The following RSPO2 variants were observed in gnomAD, a reference collection of about 807,000 sequenced individuals.
RSPO2 encodes R-spondin-2.
A neutral mutation model predicts 30.9 loss-of-function variants in RSPO2; 14 were observed. That is an observed-to-expected ratio of 0.45 (90% CI 0.30 to 0.71). The LOEUF (loss-of-function observed/expected upper bound fraction) is 0.71. Among genes scored for constraint, RSPO2 ranks in the 30% least tolerant of loss-of-function variants. RSPO2 has a pLI of 0.08. For synonymous variants in RSPO2, 107 were observed against 96.4 expected (o/e 1.11, Z -0.64); for missense variants, 264 against 301.9 (o/e 0.87, Z 0.93).
chr8:107,982,009 CAAAAAA>C (rs372977834), intron 3 of RSPO2, among the ~76,000 whole-genome samples: 8 of 55,380 alleles, frequency 1.4e-4, no homozygotes, highest in African/African-American at 3.2e-4. Flanking sequence ...ACAACAACAA[CAAAAAA>C]AAAAAAAAAA....
intron 5 of RSPO2, among the ~76,000 whole-genome samples, chr8:107,915,342 GTCTGCCAACACCT>G (rs1255693891): frequency 2.6e-5 from 4 of 152,058 alleles, no homozygotes; most frequent in Non-Finnish European, 4.4e-5. Context: ...GTATCCTAGG[GTCTGCCAACACCT>G]TCTTCCTTCT....
intron 5 of RSPO2, among the ~76,000 whole-genome samples, chr8:107,914,307 G>A (rs1811910817): frequency 6.6e-6 from 1 of 151,998 alleles, no homozygotes; most frequent in Non-Finnish European, 1.5e-5. Flanking sequence ...TATTTACTGT[G>A]CTCAAATACT....
intron 5 of RSPO2, among the ~76,000 whole-genome samples, chr8:107,949,776 C>T (rs1031580535): frequency 2.6e-5 from 4 of 152,128 alleles, no homozygotes; most frequent in African/African-American, 9.7e-5. Context: ...ATACAATGTA[C>T]ATTATTTGGG....
chr8:107,918,837 G>A (rs1434519870), intron 5 of RSPO2, among the ~76,000 whole-genome samples: 2 of 151,972 alleles, frequency 1.3e-5, no homozygotes, highest in Non-Finnish European at 2.9e-5. Context: ...ATAGAAAATG[G>A]GGACTGGAGA....
chr8:108,047,212 AG>A (rs1292081788), intron 2 of RSPO2, among the ~76,000 whole-genome samples: 1 of 152,196 alleles, frequency 6.6e-6, no homozygotes, highest in Non-Finnish European at 1.5e-5. Context: ...CAGGATATGA[AG>A]TATTATTAGT....
intron 2 of RSPO2, among the ~76,000 whole-genome samples, chr8:108,014,844 TAA>T (rs5893898): frequency 1.9e-5 from 2 of 106,442 alleles, no homozygotes; most frequent in East Asian, 3.4e-4. Flanking sequence ...TAAAGTATAA[TAA>T]AAAAAAAAAA....
At chr8:107,941,717 A>G (rs188994385) in intron 5 of RSPO2, among the ~76,000 whole-genome samples, 143 of 152,332 alleles carry the variant, frequency 9.4e-4, no homozygotes, top group Middle Eastern at 6.8e-3. Context: ...TTGGTTTCAC[A>G]GTGAGCAGAC....
intron 5 of RSPO2, among the ~76,000 whole-genome samples, chr8:107,918,041 A>G (rs963619409): frequency 2.6e-5 from 4 of 152,176 alleles, no homozygotes; most frequent in Admixed American, 2.0e-4. Flanking sequence ...TGGGACTCTC[A>G]TGGAAAGCTG....
intron 5 of RSPO2, among the ~76,000 whole-genome samples, chr8:107,947,208 G>T (rs1813091672): frequency 6.6e-6 from 1 of 152,132 alleles, no homozygotes; most frequent in African/African-American, 2.4e-5. Flanking sequence ...GAACTTTGTA[G>T]GAACATTTTC....
intron 2 of RSPO2, among the ~76,000 whole-genome samples, chr8:108,041,558 A>G (rs1298283088): frequency 1.3e-5 from 2 of 152,178 alleles, no homozygotes; most frequent in African/African-American, 4.8e-5. Context: ...TTAAGAAGAC[A>G]GTGGGTTATG....
chr8:107,919,344 G>A (rs149534999), intron 5 of RSPO2, among the ~76,000 whole-genome samples: 12 of 152,206 alleles, frequency 7.9e-5, no homozygotes, highest in African/African-American at 2.9e-4. Flanking sequence ...GTTTATTCCT[G>A]GGCCTAGGCT....
chr8:107,973,281 TGGG>T (rs551349917), intron 3 of RSPO2, among the ~76,000 whole-genome samples: 1 of 146,052 alleles, frequency 6.8e-6, no homozygotes, highest in Admixed American at 6.7e-5. Flanking sequence ...AAAAAAAAAA[TGGG>T]GGGGGAACTA....
intron 2 of RSPO2, among the ~76,000 whole-genome samples, chr8:108,069,450 G>C (rs1482837648): frequency 6.6e-6 from 1 of 152,204 alleles, no homozygotes; most frequent in Non-Finnish European, 1.5e-5. Flanking sequence ...TTGACTTTGT[G>C]ATCTGCCCGC....
intron 5 of RSPO2, among the ~76,000 whole-genome samples, chr8:107,902,500 G>A (rs1811509524): frequency 6.6e-6 from 1 of 152,046 alleles, no homozygotes; most frequent in South Asian, 2.1e-4. Context: ...CTAGCCTATG[G>A]AGAAGGAGGC....
intron 3 of RSPO2, among the ~76,000 whole-genome samples, chr8:107,964,655 T>C (rs1813738647): frequency 6.6e-6 from 1 of 152,136 alleles, no homozygotes; most frequent in Non-Finnish European, 1.5e-5. Flanking sequence ...TACAACCCCC[T>C]GCTCTGTTCA....
chr8:108,031,187 A>C (rs1811407019), intron 2 of RSPO2, among the ~76,000 whole-genome samples: 1 of 152,222 alleles, frequency 6.6e-6, no homozygotes, highest in Non-Finnish European at 1.5e-5. Flanking sequence ...ATGGTGTTAT[A>C]GGCTTGAACC....
At chr8:108,003,473 G>A (rs1336607519) in intron 2 of RSPO2, among the ~76,000 whole-genome samples, 4 of 150,698 alleles carry the variant, frequency 2.7e-5, no homozygotes, top group African/African-American at 7.3e-5. Context: ...CACCGTGCCC[G>A]GCCTAACCAC....
intron 3 of RSPO2, among the ~76,000 whole-genome samples, chr8:107,964,523 G>C (rs1193244297): frequency 1.3e-5 from 2 of 152,136 alleles, no homozygotes; most frequent in African/African-American, 2.4e-5. Flanking sequence ...GAGCCACCAT[G>C]CCTGGCCAAA....
At chr8:108,018,961 G>A (rs1237022422) in intron 2 of RSPO2, among the ~76,000 whole-genome samples, 1 of 152,154 alleles carries the variant, frequency 6.6e-6, no homozygotes, top group African/African-American at 2.4e-5. Context: ...AGCACTATAT[G>A]TATGTGTAGC....
Sources: gnomAD v4.1 joint callset for allele counts (sites outside exome capture counted in the v4.1 genomes callset) on GRCh38, gnomAD v4.1.1 for gene constraint, MANE v1.5 for transcripts, NCBI Gene and HGNC (gene_info 2026-07-23, HGNC 2026-07-21) for gene names.